Variants in SWT1 observed in about 807,000 individuals in gnomAD.
The protein encoded by SWT1 is SWT1 RNA endoribonuclease homolog.
SWT1 carries 33 observed loss-of-function variants against 107.3 expected under a neutral mutation model. That is an observed-to-expected ratio of 0.31 (90% CI 0.23 to 0.41). SWT1 has a LOEUF of 0.41. SWT1 is among the 10% of genes least tolerant of loss of function. The probability of loss-of-function intolerance (pLI) is 1.00; values close to 1 mark genes in which losing one functional copy is unlikely to be tolerated. For missense variants in SWT1, 898 were observed against 1,028.9 expected, an observed-to-expected ratio of 0.87 and a Z score of 1.74; for synonymous variants, 345 against 348.3, an observed-to-expected ratio of 0.99 and a Z score of 0.11.
intron 10 of SWT1, among the ~76,000 whole-genome samples, chr1:185,194,864 T>C (rs1657251718): frequency 6.6e-6 from 1 of 152,182 alleles, no homozygotes; most frequent in East Asian, 1.9e-4. Context: ...GTATCTGTGT[T>C]GTATTCAAGT....
chr1:185,224,115 G>A (rs1659877853), intron 15 of SWT1, among the ~76,000 whole-genome samples: 1 of 152,142 alleles, frequency 6.6e-6, no homozygotes, highest in African/African-American at 2.4e-5. Flanking sequence ...AATACCTTGT[G>A]AGATGTATAG....
intron 16 of SWT1, among the ~76,000 whole-genome samples, chr1:185,268,826 C>A (rs1047158242): frequency 6.6e-6 from 1 of 150,590 alleles, no homozygotes; most frequent in African/African-American, 2.4e-5. Context: ...TTCCACATGG[C>A]TGATAGTTTG....
In SWT1 at chr1:185,161,307, T is replaced by C. The variant is rs569565279; in HGVS notation, c.84+382T>C. Among the ~76,000 whole-genome samples, 15 of 152,320 alleles carry C rather than the reference T, an allele frequency of 9.8e-5. 1 individual carries two copies. The South Asian group carries it at 3.1e-3, about 32-fold the overall frequency. ...TCAATTTCCTCAACGTTGGCTAGGATTGCATTCTTATCAGTCAGAATGGCC... is the reference window on the plus strand; with the variant it reads ...TCAATTTCCTCAACGTTGGCTAGGACTGCATTCTTATCAGTCAGAATGGCC... On this transcript the variant is annotated intron_variant, in intron 2 of 18. Transcript: ENST00000367500.
At position 185,193,530 on chromosome 1, in the gene SWT1, A is replaced by G. The variant is rs992212285; in HGVS notation, c.1523+2888A>G. Among the ~76,000 whole-genome samples the G allele has an allele frequency of 2.0e-5, 3 of 150,524 alleles. No homozygotes were observed. In the East Asian group the frequency reaches 5.8e-4, roughly 29 times the overall value. ...CGCCCAGGCTGGAGTGAAGTGGTGCAATCTTGGCTCACTGCAGCCTCTGCC... is the reference window on the plus strand; with the variant it reads ...CGCCCAGGCTGGAGTGAAGTGGTGCGATCTTGGCTCACTGCAGCCTCTGCC... On this transcript the variant is annotated intron_variant, in intron 10 of 18. Transcript: ENST00000367500.
chr1:185,285,883 T>C (rs543486837), intron 18 of SWT1, among the ~76,000 whole-genome samples: 25 of 152,230 alleles, frequency 1.6e-4, no homozygotes, highest in Non-Finnish European at 1.0e-4. Flanking sequence ...GAGGGTTTAC[T>C]TCAGAACTTT....
At chr1:185,157,428 G>A (rs1653690802) in intron 1 of SWT1, 114 bp downstream of exon 1, 1 of 152,254 alleles carries the variant, frequency 6.6e-6, no homozygotes, top group South Asian at 2.0e-4. Flanking sequence ...GAGTCACACG[G>A]ACCTGGGCGG....
intron 16 of SWT1, among the ~76,000 whole-genome samples, chr1:185,245,298 CCCTAGG>C (rs1304275516): frequency 2.0e-5 from 3 of 151,830 alleles, no homozygotes; most frequent in African/African-American, 7.3e-5. Context: ...ATACACATTA[CCCTAGG>C]CCTACACAGG....
At chr1:185,193,509 C>G (rs1657126998) in intron 10 of SWT1, among the ~76,000 whole-genome samples, 1 of 151,616 alleles carries the variant, frequency 6.6e-6, no homozygotes, top group African/African-American at 2.4e-5. Flanking sequence ...CTTGGTCGCC[C>G]AGGCTGGAGT....
chr1:185,218,611 T>C (rs1169957738), intron 14 of SWT1, among the ~76,000 whole-genome samples: 1 of 152,106 alleles, frequency 6.6e-6, no homozygotes, highest in African/African-American at 2.4e-5. Context: ...ATGCCCTGCC[T>C]TTTCCAGATT....
intron 15 of SWT1, among the ~76,000 whole-genome samples, chr1:185,229,013 A>G (rs1660302932): frequency 6.6e-6 from 1 of 152,208 alleles, no homozygotes; most frequent in African/African-American, 2.4e-5. Flanking sequence ...CCTATAAGCC[A>G]TTGTAAGAAT....
intron 13 of SWT1, 43 bp downstream of exon 13, chr1:185,206,806 T>A: frequency 2.2e-6 from 3 of 1,382,016 alleles, no homozygotes; most frequent in Non-Finnish European, 2.9e-6. Context: ...TTGTATTAAG[T>A]CAGACTAGCA....
chr1:185,170,158 A>G (rs1037517277), intron 4 of SWT1, among the ~76,000 whole-genome samples: 1 of 152,214 alleles, frequency 6.6e-6, no homozygotes, highest in African/African-American at 2.4e-5. Context: ...TCAGAGCACA[A>G]CAGTTTCAGG....
chr1:185,214,730 A>G, intron 14 of SWT1, 75 bp downstream of exon 14: 1 of 1,232,238 alleles, frequency 8.1e-7, no homozygotes, highest in Non-Finnish European at 1.1e-6. Context: ...AGACAACAGT[A>G]GGTAAAGGAT....
Position 185,174,799 on chromosome 1 carries a change from A to G in SWT1, c.652A>G (p.Asn218Asp). The G allele has an allele frequency of 6.2e-7, 1 of 1,612,404 alleles. No homozygotes were observed. The change falls in exon 5 of 19, where the codon AAC becomes GAC. Residue 218 changes from asparagine (N) to aspartate (D), a missense_variant. Asn to Asp is a conservative substitution (Grantham distance 23, BLOSUM62 1). This residue lies in a region of SWT1 where 382 missense variants were observed against 362.4 expected (regional missense o/e 1.05). Transcript: ENST00000367500. ...TCAATTTTCTCAGGATTATAACTCC[A>G]ACAAGATAATTAAGGAACCCTTGGG... ...RNQFSQDYNS[N>D]KIIKEPLGSR...
intron 18 of SWT1, among the ~76,000 whole-genome samples, chr1:185,284,740 T>G (rs539893249): frequency 9.8e-5 from 15 of 152,310 alleles, no homozygotes; most frequent in African/African-American, 3.6e-4. Flanking sequence ...AGTTGTGGCT[T>G]CTTCTTGTCA....
intron 16 of SWT1, among the ~76,000 whole-genome samples, chr1:185,251,882 G>A (rs1571619067): frequency 6.6e-6 from 1 of 151,754 alleles, no homozygotes; most frequent in South Asian, 2.1e-4. Flanking sequence ...CCATGCTGGT[G>A]CGCTGCACCC....
intron 18 of SWT1, among the ~76,000 whole-genome samples, chr1:185,284,005 A>C (rs968842306): frequency 1.3e-5 from 2 of 152,238 alleles, no homozygotes; most frequent in Non-Finnish European, 2.9e-5. Flanking sequence ...ACCTAGGAGT[A>C]GAATTCCTGG....
chr1:185,157,612 T>C, intron 1 of SWT1: 1 of 152,654 alleles, frequency 6.6e-6, no homozygotes, highest in Non-Finnish European at 1.5e-5. Flanking sequence ...TCCATCCAGC[T>C]GACTTGGAAT....
chr1:185,199,652 C>T (rs543593542), intron 10 of SWT1, among the ~76,000 whole-genome samples: 23 of 152,336 alleles, frequency 1.5e-4, no homozygotes, highest in African/African-American at 4.8e-4. Flanking sequence ...GGTAACCCGA[C>T]TTTTCTCTCC....
Sources: gnomAD v4.1 joint callset for allele counts (sites outside exome capture counted in the v4.1 genomes callset) on GRCh38, gnomAD v4.1.1 for gene constraint, gnomAD v4.1.1 regional missense constraint, MANE v1.5 for transcripts, NCBI Gene and HGNC (gene_info 2026-07-23, HGNC 2026-07-21) for gene names.